HMCN1: variants seen among roughly 807,000 people sequenced by gnomAD.
HMCN1 encodes the protein hemicentin 1.
A neutral mutation model predicts 625.9 loss-of-function variants in HMCN1; 321 were observed. The observed-to-expected ratio is 0.51, with a 90% CI of 0.47 to 0.56. The LOEUF (loss-of-function observed/expected upper bound fraction) is 0.56. HMCN1 is among the 20% of genes least tolerant of loss of function. The probability of loss-of-function intolerance (pLI) is 0.00; values close to 1 mark genes in which losing one functional copy is unlikely to be tolerated. For synonymous variants in HMCN1, 2,425 were observed against 2,417.6 expected (o/e 1.00, Z -0.09); for missense variants, 6,588 against 6,887.3 (o/e 0.96, Z 1.54).
chr1:185,758,174 A>AT (rs1422139928), intron 1 of HMCN1, among the ~76,000 whole-genome samples: 1 of 152,106 alleles, frequency 6.6e-6, no homozygotes, highest in Non-Finnish European at 1.5e-5. Flanking sequence ...TGCCCATGCC[A>AT]TTTTCTCAGC....
intron 15 of HMCN1, among the ~76,000 whole-genome samples, chr1:185,972,817 T>A (rs1436093080): frequency 6.6e-6 from 1 of 152,170 alleles, no homozygotes; most frequent in African/African-American, 2.4e-5. Context: ...TTGCCTTGTT[T>A]TGTGATACCA....
Position 185,989,630 on chromosome 1 carries a change from T to C in HMCN1, c.3191T>C (p.Val1064Ala). The C allele has an allele frequency of 6.2e-7, 1 of 1,614,054 alleles. No homozygotes were observed. Among genetic ancestry groups the C allele is most frequent in the Non-Finnish European group, 8.5e-7 (1 of 1,179,970 alleles). ...TNTAGYAKRK[V>A]QLTVYVRPRV... is the part of the protein sequence containing the mutation. The stretch of plus-strand genomic sequence containing the variant: ...ACAGCCGGCTACGCCAAAAGGAAAG[T>C]GCAGCTAACAGTCTATGGTGAGAGC... Residue 1064 changes from valine to alanine, a missense_variant, in exon 21 of 107, where the codon GTG becomes GCG. Physicochemically the swap from Val to Ala is moderately conservative, Grantham distance 64. Coordinates refer to ENST00000271588, the MANE Select transcript of HMCN1 (RefSeq NM_031935.3).
intron 52 of HMCN1, among the ~76,000 whole-genome samples, chr1:186,071,860 T>C (rs900582543): frequency 6.6e-6 from 1 of 152,156 alleles, no homozygotes; most frequent in African/African-American, 2.4e-5. Flanking sequence ...ATAATCCCTT[T>C]CTCCTTTGAA....
intron 1 of HMCN1, among the ~76,000 whole-genome samples, chr1:185,806,719 A>G (rs1475470109): frequency 6.6e-6 from 1 of 152,172 alleles, no homozygotes; most frequent in African/African-American, 2.4e-5. Context: ...CATTTTAGAA[A>G]GAGCCTTTTT....
chr1:185,843,503 G>T (rs573303251), intron 1 of HMCN1, among the ~76,000 whole-genome samples: 1 of 152,158 alleles, frequency 6.6e-6, no homozygotes, highest in Non-Finnish European at 1.5e-5. Flanking sequence ...GTCATCAAAG[G>T]CTTGGCAGGG....
chr1:186,095,631 A>G, intron 68 of HMCN1, 110 bp downstream of exon 68: 3 of 1,182,570 alleles, frequency 2.5e-6, no homozygotes, highest in Non-Finnish European at 3.5e-6. Flanking sequence ...ATTTTTTAAA[A>G]AATTTTTATT....
chr1:185,789,394 T>A (rs765566088), intron 1 of HMCN1, among the ~76,000 whole-genome samples: 7 of 152,190 alleles, frequency 4.6e-5, no homozygotes, highest in Non-Finnish European at 8.8e-5. Context: ...TATTCATACC[T>A]CAGTATAGCT....
intron 48 of HMCN1, among the ~76,000 whole-genome samples, chr1:186,063,245 C>A (rs1463352724): frequency 6.6e-6 from 1 of 150,540 alleles, no homozygotes; most frequent in Non-Finnish European, 1.5e-5. Flanking sequence ...ATATTGAGTC[C>A]CACTATATAT....
intron 36 of HMCN1, among the ~76,000 whole-genome samples, chr1:186,027,294 T>A (rs1655120780): frequency 6.6e-6 from 1 of 152,118 alleles, no homozygotes; most frequent in Non-Finnish European, 1.5e-5. Flanking sequence ...ATTCTGGAAG[T>A]TTTTATTCCC....
At chr1:185,822,276 G>A (rs1254386243) in intron 1 of HMCN1, among the ~76,000 whole-genome samples, 2 of 151,758 alleles carry the variant, frequency 1.3e-5, no homozygotes, top group Admixed American at 1.3e-4. Flanking sequence ...GGGGGATGTT[G>A]ATAATGGCGG....
At chr1:185,888,625 G>A (rs1387014939) in intron 4 of HMCN1, among the ~76,000 whole-genome samples, 2 of 147,158 alleles carry the variant, frequency 1.4e-5, no homozygotes, top group Admixed American at 1.3e-4. Context: ...TTGTAGATAT[G>A]CGGCGTTATT....
chr1:186,189,365 C>T (rs540518605), intron 106 of HMCN1, 147 bp from the exon 107 acceptor site: 192 of 767,938 alleles, frequency 2.5e-4, no homozygotes, highest in Non-Finnish European at 4.0e-4. Context: ...GTTAGTGACA[C>T]AGAAGACGAC....
At chr1:186,039,669 C>T (rs370329796) in intron 38 of HMCN1, 59 bp from the exon 39 acceptor site, 10 of 1,544,626 alleles carry the variant, frequency 6.5e-6, no homozygotes, top group Non-Finnish European at 8.9e-6. Context: ...TAGTTTTCAT[C>T]ATTTGAGATC....
At chr1:186,006,878 A>G (rs562269668) in intron 29 of HMCN1, among the ~76,000 whole-genome samples, 1 of 152,086 alleles carries the variant, frequency 6.6e-6, no homozygotes, top group Non-Finnish European at 1.5e-5. Context: ...CTGGATTTCT[A>G]TTAATATTAT....
At chr1:185,890,779 T>C in intron 4 of HMCN1, among the ~76,000 whole-genome samples, 2 of 80,810 alleles carry the variant, frequency 2.5e-5, no homozygotes, top group African/African-American at 6.2e-5. Context: ...GAAAAAAATG[T>C]ATATTCTGTT....
chr1:185,813,723 A>G (rs916465189), intron 1 of HMCN1, among the ~76,000 whole-genome samples: 6 of 152,136 alleles, frequency 3.9e-5, no homozygotes, highest in Admixed American at 2.0e-4. Context: ...TAATATAACC[A>G]TAGTTTATAG....
chr1:185,871,207 C>T lies in HMCN1; in HGVS notation c.621+5344C>T, dbSNP rs542178786. 1.4e-4 allele frequency among the ~76,000 whole-genome samples: 20 copies of T among 140,534 alleles called. No homozygotes were observed. In the South Asian group the frequency reaches 2.0e-3, roughly 14 times the overall value. The allele number at this position is 140,534 out of a possible 152,430, so 92.2% of individuals were successfully genotyped here. ...TCGTGCCACTGCACTCCAGCCTGGG[C>T]GACAGAGAGAGACTCCGTCTCAAAA... On this transcript the variant is annotated intron_variant, in intron 4 of 106. Coordinates refer to ENST00000271588, the MANE Select transcript of HMCN1 (RefSeq NM_031935.3).
At chr1:185,822,302 G>A (rs943336080) in intron 1 of HMCN1, among the ~76,000 whole-genome samples, 2 of 152,044 alleles carry the variant, frequency 1.3e-5, no homozygotes, top group Non-Finnish European at 2.9e-5. Context: ...GTGGGGCGGG[G>A]TGGGCAGGAG....
At chr1:185,888,891 A>T (rs1417569342) in intron 4 of HMCN1, among the ~76,000 whole-genome samples, 1 of 147,320 alleles carries the variant, frequency 6.8e-6, no homozygotes, top group Non-Finnish European at 1.5e-5. Context: ...TCTGTAAATT[A>T]CCTTAGGCAG....
Sources: gnomAD v4.1 joint callset for allele counts (sites outside exome capture counted in the v4.1 genomes callset) on GRCh38, gnomAD v4.1.1 for gene constraint, MANE v1.5 for transcripts, NCBI Gene and HGNC (gene_info 2026-07-23, HGNC 2026-07-21) for gene names.